Variants in SIRPG observed in about 807,000 individuals in gnomAD.
The protein encoded by SIRPG is signal-regulatory protein gamma.
A neutral mutation model predicts 35.7 loss-of-function variants in SIRPG; 38 were observed. The ratio of observed to expected loss-of-function variants is 1.06; its 90% CI spans 0.82 to 1.40. The LOEUF is 1.40. SIRPG is among the 40% of genes most tolerant of loss of function. SIRPG has a pLI of 0.00. For missense variants in SIRPG, 519 were observed against 483.0 expected (o/e 1.07, Z -0.70); for synonymous variants, 215 against 190.4 (o/e 1.13, Z -1.06).
the SIRPG span, among the ~76,000 whole-genome samples, chr20:1,680,428 T>G: frequency 1.3e-5 from 2 of 152,208 alleles, no homozygotes; most frequent in African/African-American, 4.8e-5. Flanking sequence ...TTTGCTCACC[T>G]GATATGAAGC....
chr20:1,657,787 G>A (rs1034550792), upstream of SIRPG: 47 of 1,393,154 alleles, frequency 3.4e-5, no homozygotes, highest in Non-Finnish European at 4.6e-5. Context: ...TCTGAAGACA[G>A]AAGACAAGCC....
chr20:1,672,494 C>T, the SIRPG span, among the ~76,000 whole-genome samples: 68 of 152,250 alleles, frequency 4.5e-4, no homozygotes, highest in African/African-American at 1.3e-3. Flanking sequence ...AGTCAAGGTA[C>T]GTGGGATTTT....
At chr20:1,655,473 T>A (rs1277973926) in intron 1 of SIRPG, among the ~76,000 whole-genome samples, 1 of 151,824 alleles carries the variant, frequency 6.6e-6, no homozygotes, top group East Asian at 1.9e-4. Flanking sequence ...ATCTAAAAAG[T>A]TGAGCTCATA....
chr20:1,681,761 A>G, the SIRPG span, among the ~76,000 whole-genome samples: 6 of 152,232 alleles, frequency 3.9e-5, no homozygotes, highest in Non-Finnish European at 8.8e-5. Context: ...ACTTGAACCC[A>G]GGAAGCAGAG....
chr20:1,650,182 CA>C (rs1438358234), intron 1 of SIRPG, among the ~76,000 whole-genome samples: 1 of 151,660 alleles, frequency 6.6e-6, no homozygotes, highest in Non-Finnish European at 1.5e-5. Context: ...ATCTTCCTAT[CA>C]CTCTAATGTC....
chr20:1,644,233 G>T (rs1420625748), intron 2 of SIRPG, among the ~76,000 whole-genome samples: 2 of 151,830 alleles, frequency 1.3e-5, no homozygotes, highest in African/African-American at 4.8e-5. Flanking sequence ...TCAGGCCCAG[G>T]GAGATCAGAG....
At chr20:1,680,462 A>G in the SIRPG span, among the ~76,000 whole-genome samples, 1 of 152,236 alleles carries the variant, frequency 6.6e-6, no homozygotes, top group South Asian at 2.1e-4. Context: ...AGCTTCCACT[A>G]GAACACAAAA....
At chr20:1,677,676 T>C in the SIRPG span, among the ~76,000 whole-genome samples, 1 of 152,148 alleles carries the variant, frequency 6.6e-6, no homozygotes, top group Non-Finnish European at 1.5e-5. Context: ...GTTCTGGAAT[T>C]CAGAAGCCCA....
At chr20:1,634,314 C>T (rs2091774463) in intron 4 of SIRPG, among the ~76,000 whole-genome samples, 2 of 150,644 alleles carry the variant, frequency 1.3e-5, no homozygotes, top group Non-Finnish European at 2.9e-5. Flanking sequence ...TCACACCATT[C>T]TCCTGCCTCA....
chr20:1,680,378 C>T, the SIRPG span, among the ~76,000 whole-genome samples: 1 of 152,186 alleles, frequency 6.6e-6, no homozygotes, highest in African/African-American at 2.4e-5. Flanking sequence ...GCATACTTTC[C>T]TGTTGCAATC....
chr20:1,672,625 C>A, the SIRPG span, among the ~76,000 whole-genome samples: 2 of 152,184 alleles, frequency 1.3e-5, no homozygotes, highest in Non-Finnish European at 2.9e-5. Flanking sequence ...CTATACAAAA[C>A]CTTTCCCGCA....
chr20:1,632,471 C>CCTCT (rs1364542714), intron 4 of SIRPG, among the ~76,000 whole-genome samples: 1 of 152,122 alleles, frequency 6.6e-6, no homozygotes, highest in Non-Finnish European at 1.5e-5. Context: ...AGCCTTAGTA[C>CCTCT]CTGAGCAAAG....
intron 2 of SIRPG, among the ~76,000 whole-genome samples, chr20:1,641,793 C>G (rs1172736371): frequency 6.6e-6 from 1 of 152,160 alleles, no homozygotes; most frequent in Non-Finnish European, 1.5e-5. Context: ...TATGTTGTCT[C>G]TTTGTTCTTA....
At chr20:1,655,061 C>G (rs979607298) in intron 1 of SIRPG, among the ~76,000 whole-genome samples, 3 of 152,080 alleles carry the variant, frequency 2.0e-5, no homozygotes, top group African/African-American at 2.4e-5. Flanking sequence ...AAAAGGGAAC[C>G]CTTGCAGACA....
chr20:1,677,249 G>T, the SIRPG span, among the ~76,000 whole-genome samples: 2 of 152,156 alleles, frequency 1.3e-5, no homozygotes, highest in Admixed American at 1.3e-4. Context: ...GCCCTCTTTG[G>T]AAGTGTCATA....
chr20:1,630,250 A>G lies in SIRPG; in HGVS notation c.1138T>C (p.Tyr380His), dbSNP rs761612919. The G allele has an allele frequency of 1.9e-6, 3 of 1,574,070 alleles. No individual in the cohort carries two copies. The South Asian group carries it at 3.5e-5, about 18-fold the overall frequency. The change falls in exon 5 of 6, where the codon TAC (tyrosine) becomes CAC (histidine). Residue 380 changes from tyrosine (Y) to histidine (H), a missense_variant. Transcript: ENST00000303415. The stretch of plus-strand genomic sequence containing the variant: ...CAGGTCTTCTGCTTCCAGGGGACGT[A>G]GATGGGGCCCAGGAGGACAGCTATG... ...LLIAVLLGPI[Y>H]VPWKQKT
chr20:1,636,045 A>G, intron 3 of SIRPG, 143 bp downstream of exon 3: 1 of 1,191,260 alleles, frequency 8.4e-7, no homozygotes, highest in Non-Finnish European at 1.2e-6. Context: ...GTAAGTGACC[A>G]GCACACCTAG....
chr20:1,653,219 G>T (rs570158398), intron 1 of SIRPG, among the ~76,000 whole-genome samples: 1 of 152,346 alleles, frequency 6.6e-6, no homozygotes, highest in East Asian at 1.9e-4. Flanking sequence ...GACCTCTAGA[G>T]TCAGAGTGCC....
At chr20:1,660,139 T>C (rs2091992396), upstream of SIRPG, among the ~76,000 whole-genome samples, 1 of 151,900 alleles carries the variant, frequency 6.6e-6, no homozygotes, top group African/African-American at 2.4e-5. Flanking sequence ...GAAACAGAAA[T>C]AGGCGGGCAT....
Sources: gnomAD v4.1 joint callset for allele counts (sites outside exome capture counted in the v4.1 genomes callset) on GRCh38, gnomAD v4.1.1 for gene constraint, MANE v1.5 for transcripts, NCBI Gene and HGNC (gene_info 2026-07-23, HGNC 2026-07-21) for gene names.